Variants in DEPTOR observed in about 807,000 individuals in gnomAD.
The protein encoded by DEPTOR is DEP domain-containing mTOR-interacting protein.
DEPTOR carries 41 observed loss-of-function variants against 41.6 expected under a neutral mutation model. The ratio of observed to expected loss-of-function variants is 0.98; its 90% CI spans 0.77 to 1.28. The LOEUF is 1.28. Ranked by LOEUF, DEPTOR falls within the 50% of genes most tolerant of loss-of-function variation. The pLI, the probability that DEPTOR is intolerant of heterozygous loss-of-function variation, is 0.00. For synonymous variants in DEPTOR, 195 were observed against 192.3 expected (o/e 1.01, Z -0.12); for missense variants, 514 against 527.9 (o/e 0.97, Z 0.26).
chr8:119,994,784 G>T (rs946819417), intron 4 of DEPTOR, among the ~76,000 whole-genome samples: 1 of 151,926 alleles, frequency 6.6e-6, no homozygotes, highest in Admixed American at 6.6e-5. Context: ...GGGCATGGTG[G>T]TGCACGCCTG....
intron 1 of DEPTOR, among the ~76,000 whole-genome samples, chr8:119,882,564 A>G (rs961502182): frequency 2.0e-5 from 3 of 151,806 alleles, no homozygotes; most frequent in Non-Finnish European, 2.9e-5. Flanking sequence ...ATGTACCACC[A>G]CACCTGGCTA....
chr8:119,951,611 G>A (rs543740821), intron 3 of DEPTOR, among the ~76,000 whole-genome samples: 1 of 152,288 alleles, frequency 6.6e-6, no homozygotes, highest in Admixed American at 6.5e-5. Flanking sequence ...ATTTGAAATA[G>A]CAAGCAAAGA....
chr8:120,040,086 C>T (rs890359618), intron 8 of DEPTOR, among the ~76,000 whole-genome samples: 1 of 151,982 alleles, frequency 6.6e-6, no homozygotes, highest in African/African-American at 2.4e-5. Context: ...CCAAGTGATG[C>T]GCCTGCCTCG....
intron 4 of DEPTOR, among the ~76,000 whole-genome samples, chr8:119,974,671 T>C (rs1256544450): frequency 2.6e-5 from 4 of 151,144 alleles, no homozygotes; most frequent in Non-Finnish European, 4.4e-5. Flanking sequence ...ACTTGGGAGG[T>C]TGAGGCACAA....
chr8:119,922,745 C>T (rs1031031602), intron 1 of DEPTOR, among the ~76,000 whole-genome samples: 1 of 152,242 alleles, frequency 6.6e-6, no homozygotes, highest in East Asian at 1.9e-4. Flanking sequence ...CTCTGATGCT[C>T]AGAGGTTGTA....
At chr8:119,931,791 T>C (rs1260132396) in intron 3 of DEPTOR, among the ~76,000 whole-genome samples, 2 of 152,162 alleles carry the variant, frequency 1.3e-5, no homozygotes, top group Non-Finnish European at 2.9e-5. Context: ...TACTTTCTTT[T>C]AATTTCTTAG....
intron 4 of DEPTOR, among the ~76,000 whole-genome samples, chr8:119,985,033 T>C (rs112660893): frequency 0.032 from 4,806 of 151,918 alleles, 166 homozygotes; most frequent in African/African-American, 0.087. Context: ...ATTAGCTGGG[T>C]GTAGTGGCAG....
chr8:119,983,818 T>TA (rs1472171386), intron 4 of DEPTOR, among the ~76,000 whole-genome samples: 34 of 152,014 alleles, frequency 2.2e-4, no homozygotes, highest in African/African-American at 2.2e-4. Flanking sequence ...TAAAGACAGT[T>TA]AAAAAAAAGA....
At chr8:120,045,431 C>G (rs939680893) in intron 8 of DEPTOR, among the ~76,000 whole-genome samples, 3 of 152,152 alleles carry the variant, frequency 2.0e-5, no homozygotes, top group African/African-American at 4.8e-5. Flanking sequence ...AATGCAGTGG[C>G]ATGATCTTGG....
intron 4 of DEPTOR, among the ~76,000 whole-genome samples, chr8:119,975,895 T>G (rs1828691407): frequency 1.1e-5 from 1 of 89,442 alleles, no homozygotes; most frequent in Non-Finnish European, 2.5e-5. Flanking sequence ...TTTTTTTTTT[T>G]TTTGAGATGG....
chr8:119,933,123 T>C (rs1055785367), intron 3 of DEPTOR, among the ~76,000 whole-genome samples: 1 of 152,214 alleles, frequency 6.6e-6, no homozygotes, highest in Admixed American at 6.5e-5. Flanking sequence ...TGCTGTTCCC[T>C]CTGCCTAGAG....
At chr8:119,953,897 C>T (rs1305067458) in intron 3 of DEPTOR, among the ~76,000 whole-genome samples, 2 of 150,786 alleles carry the variant, frequency 1.3e-5, no homozygotes, top group East Asian at 4.0e-4. Context: ...CTCCACCTCC[C>T]CAGTTCAAGC....
intron 4 of DEPTOR, 103 bp downstream of exon 4, chr8:119,965,513 C>A: frequency 1.4e-6 from 2 of 1,387,238 alleles, no homozygotes; most frequent in Non-Finnish European, 1.9e-6. Flanking sequence ...ATCTGTAAGT[C>A]AGCTGCACCT....
chr8:120,032,172 A>G (rs1048476586), intron 8 of DEPTOR, among the ~76,000 whole-genome samples: 3 of 150,364 alleles, frequency 2.0e-5, no homozygotes, highest in Non-Finnish European at 4.4e-5. Context: ...TCAGTTACTT[A>G]TACTTTCCAA....
intron 1 of DEPTOR, among the ~76,000 whole-genome samples, chr8:119,893,571 G>A (rs1005902205): frequency 1.3e-5 from 2 of 152,326 alleles, no homozygotes; most frequent in South Asian, 4.1e-4. Context: ...GCTCGTGCCT[G>A]TAATCCCAGC....
In DEPTOR at chr8:120,010,508, C is replaced by T. The variant is rs374730437; in HGVS notation, c.1101+1375C>T. Among the ~76,000 whole-genome samples the T allele has an allele frequency of 1.1e-4, 16 of 151,562 alleles. No individual in the cohort carries two copies. The East Asian group carries it at 2.1e-3, about 20-fold the overall frequency. On this transcript the variant is annotated intron_variant, in intron 8 of 8. Coordinates refer to ENST00000286234, the MANE Select transcript of DEPTOR (RefSeq NM_022783.4). ...GCTCATTCCTGTAGTCCCAGCTGAT[C>T]AGGAGGCTGAGGCAGGAGAATTGCT...
At chr8:120,014,874 G>A (rs1002489517) in intron 8 of DEPTOR, among the ~76,000 whole-genome samples, 4 of 150,476 alleles carry the variant, frequency 2.7e-5, no homozygotes, top group Non-Finnish European at 5.9e-5. Flanking sequence ...AAACGTTAAC[G>A]TTGGTTTCAT....
intron 8 of DEPTOR, among the ~76,000 whole-genome samples, chr8:120,025,779 T>C (rs1172942467): frequency 6.6e-6 from 1 of 151,972 alleles, no homozygotes; most frequent in Non-Finnish European, 1.5e-5. Context: ...CGTCTGCTCT[T>C]GCACCCTTAT....
intron 3 of DEPTOR, among the ~76,000 whole-genome samples, chr8:119,963,712 A>G (rs947687416): frequency 5.9e-5 from 9 of 152,122 alleles, no homozygotes; most frequent in African/African-American, 1.9e-4. Context: ...ATTGCATCAT[A>G]TATGGATGCA....
Sources: gnomAD v4.1 joint callset for allele counts (sites outside exome capture counted in the v4.1 genomes callset) on GRCh38, gnomAD v4.1.1 for gene constraint, MANE v1.5 for transcripts, NCBI Gene and HGNC (gene_info 2026-07-23, HGNC 2026-07-21) for gene names.